Variants in MSRB3 observed in about 807,000 individuals in gnomAD.
The protein encoded by MSRB3 is methionine sulfoxide reductase B3, also known as methionine-R-sulfoxide reductase B3.
MSRB3 carries 13 observed loss-of-function variants against 21.0 expected under a neutral mutation model. The ratio of observed to expected loss-of-function variants is 0.62; its 90% CI spans 0.40 to 0.98. The LOEUF (loss-of-function observed/expected upper bound fraction) is 0.98. MSRB3 is among the 50% of genes least tolerant of loss of function. MSRB3 has a pLI of 0.00. For synonymous variants in MSRB3, 87 were observed against 88.6 expected (o/e 0.98, Z 0.10); for missense variants, 199 against 230.3 (o/e 0.86, Z 0.88).
chr12:65,390,974 T>A (rs1879453168), intron 5 of MSRB3, among the ~76,000 whole-genome samples: 1 of 152,208 alleles, frequency 6.6e-6, no homozygotes, highest in Non-Finnish European at 1.5e-5. Context: ...GAGTAGGAAT[T>A]TTTGTGAAAC....
intron 4 of MSRB3, among the ~76,000 whole-genome samples, chr12:65,339,693 A>G (rs778799227): frequency 5.9e-5 from 9 of 152,018 alleles, no homozygotes; most frequent in Non-Finnish European, 1.2e-4. Context: ...AATTTACGTA[A>G]TTTATTTTTA....
intron 4 of MSRB3, among the ~76,000 whole-genome samples, chr12:65,338,089 C>T (rs1474427076): frequency 6.6e-6 from 1 of 152,066 alleles, no homozygotes; most frequent in Non-Finnish European, 1.5e-5. Context: ...CAATAACCTG[C>T]CTGAAAATGA....
At chr12:65,404,967 T>G (rs1360740912) in intron 5 of MSRB3, among the ~76,000 whole-genome samples, 4 of 152,028 alleles carry the variant, frequency 2.6e-5, no homozygotes, top group Non-Finnish European at 4.4e-5. Context: ...AACTTTTTTT[T>G]TTTTTTTAGA....
intron 5 of MSRB3, among the ~76,000 whole-genome samples, chr12:65,401,882 C>T (rs1392865440): frequency 6.6e-6 from 1 of 152,134 alleles, no homozygotes; most frequent in Non-Finnish European, 1.5e-5. Context: ...CTTAGTTTGG[C>T]TGGATATGAA....
At chr12:65,397,846 A>G (rs563460808) in intron 5 of MSRB3, among the ~76,000 whole-genome samples, 50 of 152,328 alleles carry the variant, frequency 3.3e-4, no homozygotes, top group African/African-American at 1.1e-3. Context: ...CTTATGAGTG[A>G]GAACATGCAG....
At chr12:65,443,705 C>T (rs1882489038) in intron 5 of MSRB3, among the ~76,000 whole-genome samples, 1 of 151,764 alleles carries the variant, frequency 6.6e-6, no homozygotes, top group East Asian at 1.9e-4. Context: ...TGGTGAAATA[C>T]ACATAAGAAA....
At chr12:65,407,745 T>C (rs1197769363) in intron 5 of MSRB3, among the ~76,000 whole-genome samples, 1 of 152,208 alleles carries the variant, frequency 6.6e-6, no homozygotes, top group Non-Finnish European at 1.5e-5. Context: ...TCTTTTTCAC[T>C]TTTTTCCCTT....
At chr12:65,288,546 A>G (rs1565815625) in intron 1 of MSRB3, among the ~76,000 whole-genome samples, 1 of 152,226 alleles carries the variant, frequency 6.6e-6, no homozygotes, top group Non-Finnish European at 1.5e-5. Context: ...GCAAAGTTAC[A>G]TAACCCTTTT....
intron 2 of MSRB3, among the ~76,000 whole-genome samples, chr12:65,326,082 T>C (rs924117068): frequency 6.6e-5 from 10 of 152,234 alleles, no homozygotes; most frequent in Non-Finnish European, 1.3e-4. Flanking sequence ...ATTTCCTTTT[T>C]TCTTTGTCTT....
At chr12:65,355,265 A>G (rs1314127869) in intron 4 of MSRB3, among the ~76,000 whole-genome samples, 3 of 151,800 alleles carry the variant, frequency 2.0e-5, no homozygotes, top group East Asian at 1.9e-4. Context: ...ATTAGTGTCA[A>G]GTATGCTTGC....
At chr12:65,388,242 A>G (rs1177434759) in intron 5 of MSRB3, among the ~76,000 whole-genome samples, 1 of 152,190 alleles carries the variant, frequency 6.6e-6, no homozygotes, top group Non-Finnish European at 1.5e-5. Flanking sequence ...CCACCAGAAA[A>G]TGACGTTGTG....
chr12:65,333,361 C>T (rs1001007576), intron 4 of MSRB3, among the ~76,000 whole-genome samples: 1 of 152,222 alleles, frequency 6.6e-6, no homozygotes, highest in South Asian at 2.1e-4. Context: ...CAAACTCAGG[C>T]AAGACTTCTT....
chr12:65,433,843 A>G (rs1449582289), intron 5 of MSRB3, among the ~76,000 whole-genome samples: 1 of 151,852 alleles, frequency 6.6e-6, no homozygotes, highest in African/African-American at 2.4e-5. Flanking sequence ...CCAATAAGAG[A>G]CGACCCATTC....
intron 2 of MSRB3, among the ~76,000 whole-genome samples, chr12:65,312,311 T>C (rs1592513339): frequency 6.6e-6 from 1 of 152,076 alleles, no homozygotes; most frequent in East Asian, 1.9e-4. Flanking sequence ...TGCTGAGTTG[T>C]GGTGGGAGGA....
chr12:65,456,481 G>A (rs1311399740), intron 6 of MSRB3, among the ~76,000 whole-genome samples: 1 of 152,122 alleles, frequency 6.6e-6, no homozygotes, highest in Non-Finnish European at 1.5e-5. Context: ...AAAGAGAAAT[G>A]AAACCCACAA....
chr12:65,316,551 G>A (rs558678755), intron 2 of MSRB3, among the ~76,000 whole-genome samples: 50 of 152,170 alleles, frequency 3.3e-4, no homozygotes, highest in African/African-American at 1.1e-3. Context: ...CACATAATAG[G>A]TGTTCAATAA....
At chr12:65,455,054 A>G (rs1883026342) in intron 6 of MSRB3, among the ~76,000 whole-genome samples, 1 of 152,198 alleles carries the variant, frequency 6.6e-6, no homozygotes, top group Non-Finnish European at 1.5e-5. Context: ...CAGGAGCATG[A>G]TCAGGCAGCT....
At chr12:65,355,246 A>T (rs1877315525) in intron 4 of MSRB3, among the ~76,000 whole-genome samples, 1 of 151,812 alleles carries the variant, frequency 6.6e-6, no homozygotes, top group African/African-American at 2.4e-5. Context: ...CTAGTTTCTT[A>T]GCTTGTGTAT....
rs750271315 is a variant in MSRB3, at chr12:65,328,646, G to A, written c.263+43G>A. ...CTATAGGTATGGCTGTATCATAGAT[G>A]GCAGCAAACTAGTTATTGCTTTTTC... On this transcript the variant is annotated intron_variant, in intron 4 of 6. Transcript: ENST00000308259. 4.0e-6 allele frequency: 5 copies of A among 1,252,128 alleles called. No individual in the cohort carries two copies. The South Asian group carries it at 4.8e-5, about 12-fold the overall frequency. The allele number at this position is 1,252,128 out of a possible 1,614,324, so 77.6% of individuals were successfully genotyped here. A position where few individuals can be genotyped will look rare whatever the true frequency, so the allele number is the denominator to read the frequency against.
Sources: gnomAD v4.1 joint callset for allele counts (sites outside exome capture counted in the v4.1 genomes callset) on GRCh38, gnomAD v4.1.1 for gene constraint, MANE v1.5 for transcripts, NCBI Gene and HGNC (gene_info 2026-07-23, HGNC 2026-07-21) for gene names.